Variants in PWWP3A observed in about 807,000 individuals in gnomAD.
PWWP3A encodes the protein PWWP domain containing 3A, DNA repair factor.
Under a neutral mutation model 79.0 loss-of-function variants are expected in PWWP3A, and 53 were observed. The ratio of observed to expected loss-of-function variants is 0.67; its 90% CI spans 0.54 to 0.84. The LOEUF is 0.84. Ranked by LOEUF, PWWP3A falls within the 40% of genes least tolerant of loss-of-function variation. The pLI is 0.00. For missense variants in PWWP3A, 973 were observed against 948.0 expected (o/e 1.03, Z -0.35); for synonymous variants, 443 against 394.4 (o/e 1.12, Z -1.46).
Position 1,369,374 on chromosome 19 carries a change from C to T in PWWP3A, c.1498+34C>T. The T allele has an allele frequency of 6.2e-7, 1 of 1,605,124 alleles. No individual in the cohort carries two copies. Among genetic ancestry groups the T allele is most frequent in the Admixed American group, 1.7e-5 (1 of 59,956 alleles). On this transcript the variant is annotated intron_variant, in intron 10 of 13. Coordinates refer to ENST00000591337, the MANE Select transcript of PWWP3A (RefSeq NM_001369789.1). The surrounding 1 kb of genome is among the most constrained non-coding windows in gnomAD (Gnocchi z 4.0). ...GGTGCTGGGGAGGGGTGGAGCTGGG[C>T]AGCAGGCGTCCAGCCTCTGAAGACC...
chr19:1,376,833 T>G lies in PWWP3A; in HGVS notation c.*257T>G. On this transcript the variant is annotated 3_prime_UTR_variant, in exon 14 of 14. Coordinates refer to ENST00000591337, the MANE Select transcript of PWWP3A (RefSeq NM_001369789.1). ...ACAAGATACCGTTCGGGAAAGGCTT[T>G]TGAAAGGACGGAAGCGTATTCACTG... 2 of 421,092 alleles carry G rather than the reference T, an allele frequency of 4.7e-6. No individual in the cohort carries two copies. Among genetic ancestry groups the G allele is most frequent in the Non-Finnish European group, 8.5e-6 (2 of 234,002 alleles). 26.1% of individuals were successfully genotyped at this position (421,092 alleles called of 1,614,324 possible).
chr19:1,357,541 C>G (rs2081904903), intron 3 of PWWP3A: 1 of 154,486 alleles, frequency 6.5e-6, no homozygotes, highest in Non-Finnish European at 1.4e-5. Flanking sequence ...GTTTTTGAGC[C>G]TGTCACTCTA....
chr19:1,369,572 C>T lies in PWWP3A; in HGVS notation c.1499-24C>T, dbSNP rs1318304125. 6.2e-7 allele frequency: 1 copy of T among 1,613,836 alleles called. No homozygotes were observed. On this transcript the variant is annotated intron_variant, in intron 10 of 13. Transcript: ENST00000591337. The surrounding 1 kb of genome is among the most constrained non-coding windows in gnomAD (Gnocchi z 4.0). ...GGACTCCTCTTAGGTCTACACAGTGCTCTCTCCCCTCCACCCCCTGCAGGC... is the reference window on the plus strand; with the variant it reads ...GGACTCCTCTTAGGTCTACACAGTGTTCTCTCCCCTCCACCCCCTGCAGGC...
At chr19:1,359,365 G>T (rs1390635519) in intron 4 of PWWP3A, 1 of 150,814 alleles carries the variant, frequency 6.6e-6, no homozygotes, top group Non-Finnish European at 1.5e-5. Context: ...CATAACTTAG[G>T]CCGGGCTGAC....
At chr19:1,358,906 G>A (rs1164380826) in intron 4 of PWWP3A, 1 of 370,930 alleles carries the variant, frequency 2.7e-6, no homozygotes, top group Non-Finnish European at 5.4e-6. Flanking sequence ...CCAGAGCAGA[G>A]CCCAAGGGAG....
chr19:1,361,385 C>T (rs1234960952), intron 5 of PWWP3A, among the ~76,000 whole-genome samples: 1 of 152,202 alleles, frequency 6.6e-6, no homozygotes, highest in Admixed American at 6.5e-5. Flanking sequence ...ACTCTTTTAA[C>T]GGAAGCAGTA....
At chr19:1,364,857 G>A (rs1314883566) in intron 7 of PWWP3A, among the ~76,000 whole-genome samples, 8 of 152,300 alleles carry the variant, frequency 5.3e-5, no homozygotes, top group East Asian at 1.9e-4. Context: ...AGTGGTTCAT[G>A]CCTGTAATCC....
At chr19:1,358,081 C>T (rs1021721807) in intron 3 of PWWP3A, 8 of 328,156 alleles carry the variant, frequency 2.4e-5, no homozygotes, top group Admixed American at 4.6e-5. Flanking sequence ...CTCTGAAAAT[C>T]TAACAAAGGA....
chr19:1,374,552 G>T (rs1418542060), intron 13 of PWWP3A, among the ~76,000 whole-genome samples: 2 of 152,056 alleles, frequency 1.3e-5, no homozygotes, highest in Admixed American at 6.6e-5. Context: ...CCTTTCTCTG[G>T]TGCTGCGGCC....
At chr19:1,356,472 T>C in intron 2 of PWWP3A, 23 bp downstream of exon 2, 1 of 1,612,058 alleles carries the variant, frequency 6.2e-7, no homozygotes, top group Non-Finnish European at 8.5e-7. Context: ...ATTCTGTAAC[T>C]TCAGGACTTA....
intron 13 of PWWP3A, chr19:1,374,503 C>G (rs551009254): frequency 2.6e-5 from 4 of 152,340 alleles, no homozygotes; most frequent in African/African-American, 9.6e-5. Context: ...CACCATGAGC[C>G]TCTCTGCACT....
Position 1,376,660 on chromosome 19 carries a change from CA to C in PWWP3A, c.*85del. On this transcript the variant is annotated 3_prime_UTR_variant, in exon 14 of 14. Transcript: ENST00000591337. ...TGAGCGTGTCTGAAGATGGGGGGCT[CA>C]GGGGGCACGTTTGCGTTTGGACCTG... 7.2e-7 allele frequency: 1 copy of C among 1,394,276 alleles called. No homozygotes were observed. Among genetic ancestry groups the C allele is most frequent in the Non-Finnish European group, 1.0e-6 (1 of 992,164 alleles). 86.4% of individuals were successfully genotyped at this position (1,394,276 alleles called of 1,614,324 possible).
rs894543940 is a variant in PWWP3A, at chr19:1,376,913, G to T, written c.*337G>T. On this transcript the variant is annotated 3_prime_UTR_variant, in exon 14 of 14. Transcript: ENST00000591337. Reference sequence around the variant, plus strand: ...TTCTCCCGACGTGCACATCGATCTCGTATGTGTGGCATCTGATATTAAACG... The same window carrying T: ...TTCTCCCGACGTGCACATCGATCTCTTATGTGTGGCATCTGATATTAAACG... The T allele has an allele frequency of 4.7e-6, 1 of 211,472 alleles. No homozygotes were observed. The highest frequency in any genetic ancestry group is 2.3e-5 in the African/African-American group (1 of 42,922). The allele number at this position is 211,472 out of a possible 1,614,324, so 13.1% of individuals were successfully genotyped here. A position where few individuals can be genotyped will look rare whatever the true frequency, so the allele number is the denominator to read the frequency against.
In PWWP3A at chr19:1,375,411, A is replaced by T. The variant is rs192812677; in HGVS notation, c.2076-1108A>T. Among the ~76,000 whole-genome samples, 927 of 113,538 alleles carry T rather than the reference A, an allele frequency of 8.2e-3. 10 individuals are homozygous for T. Among genetic ancestry groups the T allele is most frequent in the African/African-American group, 0.03 (876 of 29,474 alleles). 74.5% of individuals were successfully genotyped at this position (113,538 alleles called of 152,430 possible). A position where few individuals can be genotyped will look rare whatever the true frequency, so the allele number is the denominator to read the frequency against. On this transcript the variant is annotated intron_variant, in intron 13 of 13. Coordinates refer to ENST00000591337, the MANE Select transcript of PWWP3A (RefSeq NM_001369789.1). ...CTGCCCTCTCATATATATATAATAT[A>T]TATTATATATATAAAATATATATAG...
intron 7 of PWWP3A, among the ~76,000 whole-genome samples, chr19:1,366,090 C>T (rs2082121746): frequency 1.3e-5 from 2 of 152,242 alleles, no homozygotes; most frequent in Non-Finnish European, 2.9e-5. Context: ...CCAAACAAAA[C>T]TGGCTGATTC....
In PWWP3A at chr19:1,370,891, G is replaced by A. The variant is rs2082242042; in HGVS notation, c.1799G>A (p.Arg600His). The stretch of plus-strand genomic sequence containing the variant: ...ATCCTAAAGAGCAGGAAGCCATCTC[G>A]CTGGCTGCAGACCTTCCTGAGCTCC... The part of the protein sequence containing the change: ...RAILKSRKPS[R>H]WLQTFLSSSQ... The change falls in exon 12 of 14, where the codon CGC becomes CAC. Residue 600 changes from arginine (R) to histidine (H), a missense_variant. Arg to His is a conservative substitution (Grantham distance 29). Coordinates refer to ENST00000591337, the MANE Select transcript of PWWP3A (RefSeq NM_001369789.1). 5.1e-6 allele frequency: 8 copies of A among 1,555,682 alleles called. No homozygotes were observed. The highest frequency in any genetic ancestry group is 2.4e-5 in the South Asian group (2 of 84,404).
In PWWP3A at chr19:1,356,360, A is replaced by G; in HGVS notation, c.-33A>G. The G allele has an allele frequency of 1.2e-6, 2 of 1,612,894 alleles. No individual in the cohort carries two copies. The highest frequency in any genetic ancestry group is 1.7e-6 in the Non-Finnish European group (2 of 1,178,812). ...GTGAGACCTGGGAGTACGTTGTGCC[A>G]AATCATTGCCACTTGCCACATGAGT... On this transcript the variant is annotated 5_prime_UTR_variant, in exon 2 of 14. Coordinates refer to ENST00000591337, the MANE Select transcript of PWWP3A (RefSeq NM_001369789.1).
In PWWP3A at chr19:1,362,587, C is replaced by G. The variant is rs974965331; in HGVS notation, c.1213+236C>G. On this transcript the variant is annotated intron_variant, in intron 6 of 13. Transcript: ENST00000591337. ...TCCTGGGAAGAGACGGCCCAGCCCT[C>G]CCTGTTAGAGCATTACTCCTGTCAC... Among the ~76,000 whole-genome samples, 4 of 152,238 alleles carry G rather than the reference C, an allele frequency of 2.6e-5. No individual in the cohort carries two copies. The South Asian group carries it at 8.3e-4, about 31-fold the overall frequency.
At position 1,360,029 on chromosome 19, in the gene PWWP3A, A is replaced by G; in HGVS notation, c.215-107A>G. 1 of 1,172,340 alleles carries G rather than the reference A, an allele frequency of 8.5e-7. No individual in the cohort carries two copies. Among genetic ancestry groups the G allele is most frequent in the Non-Finnish European group, 1.1e-6 (1 of 873,324 alleles). 72.6% of individuals were successfully genotyped at this position (1,172,340 alleles called of 1,614,324 possible). On this transcript the variant is annotated intron_variant, in intron 4 of 13. Coordinates refer to ENST00000591337, the MANE Select transcript of PWWP3A (RefSeq NM_001369789.1). The surrounding 1 kb of genome is among the most constrained non-coding windows in gnomAD (Gnocchi z 4.4). ...AGTCCTCCCCTTCAGTGATTTAGGT[A>G]TGAAACTAGCCGTCAGAATGAGACA...
Sources: gnomAD v4.1 joint callset for allele counts (sites outside exome capture counted in the v4.1 genomes callset) on GRCh38, gnomAD v4.1.1 for gene constraint, Gnocchi (gnomAD v3.1) non-coding constraint, MANE v1.5 for transcripts, NCBI Gene and HGNC (gene_info 2026-07-23, HGNC 2026-07-21) for gene names.